Variants in F11 observed in about 807,000 individuals in gnomAD.
The protein encoded by F11 is coagulation factor XI, also known as coagualtion factor XI.
A neutral mutation model predicts 76.5 loss-of-function variants in F11; 78 were observed. The observed-to-expected ratio is 1.02, with a 90% CI of 0.85 to 1.23. The LOEUF is 1.23. Ranked by LOEUF, F11 falls within the 50% of genes most tolerant of loss-of-function variation. F11 has a pLI of 0.00. For missense variants in F11, 742 were observed against 771.4 expected, an observed-to-expected ratio of 0.96 and a Z score of 0.45; for synonymous variants, 278 against 276.3, an observed-to-expected ratio of 1.01 and a Z score of -0.06.
intron 7 of F11, among the ~76,000 whole-genome samples, chr4:186,277,848 G>T (rs1740493495): frequency 6.6e-6 from 1 of 152,106 alleles, no homozygotes; most frequent in Non-Finnish European, 1.5e-5. Flanking sequence ...ACTCAGATTT[G>T]GTTGCACTGG....
intron 3 of F11, 126 bp from the exon 4 acceptor site, chr4:186,272,945 T>C: frequency 1.5e-6 from 1 of 650,728 alleles, no homozygotes; most frequent in Non-Finnish European, 2.7e-6. Context: ...TAAGAAAATA[T>C]TTGTTTTGGC....
rs1417590614 is a variant in F11, at chr4:186,285,568, C to T, written c.1305-70C>T. The T allele has an allele frequency of 8.2e-6, 12 of 1,462,534 alleles. No homozygotes were observed. The East Asian group carries it at 2.5e-4, about 30-fold the overall frequency. The allele number at this position is 1,462,534 out of a possible 1,614,324, so 90.6% of individuals were successfully genotyped here. A position where few individuals can be genotyped will look rare whatever the true frequency, so the allele number is the denominator to read the frequency against. On this transcript the variant is annotated intron_variant, in intron 11 of 14. Coordinates refer to ENST00000403665, the MANE Select transcript of F11 (RefSeq NM_000128.4). ...AATATTAGTAATAATTAAACAGCCA[C>T]ACACTTCACAATGTCTGGGAATTAT...
chr4:186,275,552 CCTT>C (rs1006987400), intron 5 of F11, among the ~76,000 whole-genome samples: 2 of 152,092 alleles, frequency 1.3e-5, no homozygotes, highest in Non-Finnish European at 2.9e-5. Context: ...CATGCACTCT[CCTT>C]CTTCATGTGG....
chr4:186,280,394 T>G lies in F11; in HGVS notation c.1028+9T>G, dbSNP rs376630194. On this transcript the variant is annotated intron_variant, in intron 9 of 14. Transcript: ENST00000403665. ...TCCTGCAACGAAGGGAAGTAAGCCA[T>G]ATGAAGGGTTATGCAGACACCCTTG... 6.2e-7 allele frequency: 1 copy of G among 1,614,160 alleles called. No homozygotes were observed.
rs754649628 is a variant in F11 at position 186,285,707 on chromosome 4, A to C, written c.1374A>C (p.Thr458=). The C allele has an allele frequency of 6.2e-7, 1 of 1,614,078 alleles. No homozygotes were observed. The highest frequency in any genetic ancestry group is 8.5e-7 in the Non-Finnish European group (1 of 1,179,914). The change falls in exon 12 of 15, where the codon ACA becomes ACC. Residue 458 remains threonine (T), a synonymous_variant. Coordinates refer to ENST00000403665, the MANE Select transcript of F11 (RefSeq NM_000128.4). ...ILNQSEIKED[T]SFFGVQEIII... ...ATCAATCTGAAATAAAAGAGGACAC[A>C]TCTTTCTTTGGGGTTCAAGAAATAA...
intron 13 of F11, chr4:186,286,762 C>A (rs886900897): frequency 2.1e-6 from 2 of 944,642 alleles, no homozygotes; most frequent in South Asian, 9.8e-5. Context: ...TGAAGCCTAG[C>A]ACTTTTCAGT....
At chr4:186,272,077 A>G (rs964858918) in intron 3 of F11, among the ~76,000 whole-genome samples, 3 of 152,094 alleles carry the variant, frequency 2.0e-5, no homozygotes, top group Admixed American at 2.0e-4. Flanking sequence ...ATCGATTATT[A>G]ATTTTTGTCG....
Position 186,280,043 on chromosome 4 carries a change from G to T in F11, c.787G>T (p.Gly263Ter), listed in dbSNP as rs1740679546. The T allele has an allele frequency of 6.2e-7, 1 of 1,613,918 alleles. No homozygotes were observed. Among genetic ancestry groups the T allele is most frequent in the Non-Finnish European group, 8.5e-7 (1 of 1,179,938 alleles). The change falls in exon 8 of 15, where the codon GGA becomes TGA. Residue 263 changes from glycine to a stop codon, truncating the protein, a stop_gained. Coordinates refer to ENST00000403665, the MANE Select transcript of F11 (RefSeq NM_000128.4). LOFTEE classifies it high-confidence loss of function. ...TTGTCTCCTTAAAACATCTGAGAGT[G>T]GATTGCCCAGTACACGCATTAAAAA... ...NLCLLKTSES[G>*]LPSTRIKKSK...
rs1741230110 is a variant in F11, at chr4:186,286,662, A to C, written c.1576+152A>C. ...AAAGATGGAGAGGCAAAAATCACCCAAGTGAGGCTGGTGCCTCATATGTTT... is the reference window on the plus strand; with the variant it reads ...AAAGATGGAGAGGCAAAAATCACCCCAGTGAGGCTGGTGCCTCATATGTTT... On this transcript the variant is annotated intron_variant, in intron 13 of 14. Coordinates refer to ENST00000403665, the MANE Select transcript of F11 (RefSeq NM_000128.4). The C allele has an allele frequency of 4.1e-6, 6 of 1,473,638 alleles. 1 individual carries two copies. The Admixed American group carries it at 1.4e-4, about 35-fold the overall frequency. The allele number at this position is 1,473,638 out of a possible 1,614,324, so 91.3% of individuals were successfully genotyped here.
rs142952627 is a variant in F11 at position 186,287,734 on chromosome 4, G to A, written c.1627G>A (p.Glu543Lys). Residue 543 changes from glutamate (E) to lysine (K), a missense_variant, in exon 14 of 15, where the codon GAA becomes AAA. Transcript: ENST00000403665. ...QKAKIPLVTN[E>K]ECQKRYRGHK... is the part of the protein sequence containing the mutation. ...AGCCAAGATACCCTTAGTGACCAAC[G>A]AAGAGTGCCAGAAGAGATACAGAGG... 6.2e-6 allele frequency: 10 copies of A among 1,613,318 alleles called. No homozygotes were observed. The highest frequency in any genetic ancestry group is 2.2e-5 in the East Asian group (1 of 44,876).
intron 10 of F11, among the ~76,000 whole-genome samples, chr4:186,281,025 C>T (rs977263363): frequency 2.0e-5 from 3 of 151,904 alleles, no homozygotes; most frequent in South Asian, 4.1e-4. Flanking sequence ...CCACAACACT[C>T]GGCTAATTTG....
intron 14 of F11, 33 bp from the exon 15 acceptor site, chr4:186,288,420 C>G: frequency 1.2e-6 from 2 of 1,613,824 alleles, no homozygotes; most frequent in Non-Finnish European, 1.7e-6. Context: ...CTGAGTTGAT[C>G]TGTGCACCTT....
chr4:186,282,797 G>T (rs996287432), intron 10 of F11: 1 of 985,170 alleles, frequency 1.0e-6, no homozygotes, highest in Non-Finnish European at 1.2e-6. Context: ...CATCGTGCTC[G>T]TTCTCACCTC....
intron 10 of F11, chr4:186,282,658 T>A: frequency 1.0e-6 from 1 of 985,308 alleles, no homozygotes; most frequent in Non-Finnish European, 1.2e-6. Flanking sequence ...ATTTACCTAT[T>A]AATTTTCCTA....
chr4:186,276,563 C>G (rs1297398429), intron 7 of F11, among the ~76,000 whole-genome samples, 173 bp downstream of exon 7: 2 of 149,960 alleles, frequency 1.3e-5, no homozygotes, highest in Non-Finnish European at 3.0e-5. Context: ...TTACCACAAA[C>G]CCAACATTAC....
rs771070255 is a variant in F11, at chr4:186,280,281, T to C, written c.924T>C (p.Ile308=). The C allele has an allele frequency of 1.2e-6, 2 of 1,614,090 alleles. No homozygotes were observed. Among genetic ancestry groups the C allele is most frequent in the African/African-American group, 1.3e-5 (1 of 74,930 alleles). ...ATTTCTTGGGAGAAGAACTGGATAT[T>C]GTTGCTGCAAAAAGTCACGAGGCCT... ...DTDFLGEELD[I]VAAKSHEACQ... The change falls in exon 9 of 15, where the codon ATT becomes ATC. Residue 308 remains isoleucine (I), a synonymous_variant. Coordinates refer to ENST00000403665, the MANE Select transcript of F11 (RefSeq NM_000128.4).
chr4:186,271,675 C>A lies in F11; in HGVS notation c.122C>A (p.Pro41Gln). ...GGGGACATTACTACGGTCTTCACACCAAGCGCCAAGTACTGCCAGGTAGTC... is the reference window on the plus strand; with the variant it reads ...GGGGACATTACTACGGTCTTCACACAAAGCGCCAAGTACTGCCAGGTAGTC... The part of the protein sequence containing the change: ...EGGDITTVFT[P>Q]SAKYCQVVCT... Residue 41 changes from proline to glutamine, a missense_variant, in exon 3 of 15, where the codon CCA (proline) becomes CAA (glutamine). Pro to Gln is a moderately conservative substitution (Grantham distance 76). Transcript: ENST00000403665. 6.2e-7 allele frequency: 1 copy of A among 1,614,124 alleles called. No homozygotes were observed. The highest frequency in any genetic ancestry group is 8.5e-7 in the Non-Finnish European group (1 of 1,179,998).
At chr4:186,274,305 C>T (rs1330684589) in intron 5 of F11, 30 bp downstream of exon 5, 3 of 1,613,746 alleles carry the variant, frequency 1.9e-6, no homozygotes, top group East Asian at 4.5e-5. Context: ...TTCGAGTGGT[C>T]GATGAAAAAC....
chr4:186,280,206 T>C lies in F11; in HGVS notation c.866-17T>C. On this transcript the variant is annotated splice_polypyrimidine_tract_variant and intron_variant, in intron 8 of 14. Coordinates refer to ENST00000403665, the MANE Select transcript of F11 (RefSeq NM_000128.4). The stretch of plus-strand genomic sequence containing the variant: ...GCTGAGGGAGGGTCTCACTCTGACA[T>C]GTGGTCTGCTGTCTAGTGTTCTGCC... 6.2e-7 allele frequency: 1 copy of C among 1,614,144 alleles called. No individual in the cohort carries two copies. The highest frequency in any genetic ancestry group is 8.5e-7 in the Non-Finnish European group (1 of 1,180,030).
Sources: gnomAD v4.1 joint callset for allele counts (sites outside exome capture counted in the v4.1 genomes callset) on GRCh38, gnomAD v4.1.1 for gene constraint, MANE v1.5 for transcripts, NCBI Gene and HGNC (gene_info 2026-07-23, HGNC 2026-07-21) for gene names.